The following CSMD1 variants were observed in gnomAD, a reference collection of about 807,000 sequenced individuals.
CSMD1 encodes the protein CUB and Sushi multiple domains 1.
In CSMD1, 213 loss-of-function variants were observed where a neutral mutation model predicts 417.5. The ratio of observed to expected loss-of-function variants is 0.51; its 90% CI spans 0.46 to 0.57. The LOEUF is 0.57. Ranked by LOEUF, CSMD1 falls within the 20% of genes least tolerant of loss-of-function variation. The pLI is 0.00. For missense variants in CSMD1, 6,923 were observed against 4,529.7 expected (o/e 1.53, Z -15.17); for synonymous variants, 2,862 against 1,736.8 (o/e 1.65, Z -16.11).
chr8:4,595,683 C>T (rs1036182306), intron 2 of CSMD1, among the ~76,000 whole-genome samples: 7 of 152,102 alleles, frequency 4.6e-5, no homozygotes, highest in African/African-American at 1.7e-4. Flanking sequence ...TGGAGGATCC[C>T]TTGAACTCAG....
rs1426453826 is a variant in CSMD1, at chr8:4,525,477, T to C, written c.303-105412A>G. ...ATTACAAATTATGCAGATAACACAT[T>C]GATTTGTCGTAAGAGCAATTTAGCG... On this transcript the variant is annotated intron_variant, in intron 2 of 69. Coordinates refer to ENST00000635120, the MANE Select transcript of CSMD1 (RefSeq NM_033225.6). Among the ~76,000 whole-genome samples, 3 of 152,262 alleles carry C rather than the reference T, an allele frequency of 2.0e-5. No individual in the cohort carries two copies. In the Middle Eastern group the frequency reaches 0.01, roughly 518 times the overall value.
chr8:4,103,970 G>C (rs1801435589), intron 3 of CSMD1, among the ~76,000 whole-genome samples: 1 of 152,170 alleles, frequency 6.6e-6, no homozygotes, highest in Non-Finnish European at 1.5e-5. Context: ...GCAGACGCGT[G>C]AGCTCCTGAT....
At chr8:4,083,118 T>C (rs932805227) in intron 3 of CSMD1, among the ~76,000 whole-genome samples, 1 of 152,144 alleles carries the variant, frequency 6.6e-6, no homozygotes, top group African/African-American at 2.4e-5. Flanking sequence ...ATAGTCCTTT[T>C]AGTATATACC....
At chr8:3,123,961 A>G (rs2129021940) in intron 41 of CSMD1, among the ~76,000 whole-genome samples, 1 of 152,330 alleles carries the variant, frequency 6.6e-6, no homozygotes, top group Middle Eastern at 3.4e-3. Context: ...CTAGTGTTGA[A>G]GGCTCTAGCG....
intron 3 of CSMD1, among the ~76,000 whole-genome samples, chr8:4,076,786 T>A (rs2554686): frequency 0.13 from 19,222 of 152,146 alleles, 1,357 homozygotes; most frequent in Middle Eastern, 0.18. Context: ...ACAACAACCA[T>A]ATCAGAGTAT....
chr8:3,120,281 G>C (rs1817122297), intron 41 of CSMD1, among the ~76,000 whole-genome samples: 1 of 152,134 alleles, frequency 6.6e-6, no homozygotes, highest in Non-Finnish European at 1.5e-5. Context: ...CTAAGGCTCA[G>C]AATATGAATC....
chr8:4,025,759 T>G (rs1385417545), intron 4 of CSMD1, among the ~76,000 whole-genome samples: 2 of 152,186 alleles, frequency 1.3e-5, no homozygotes, highest in African/African-American at 4.8e-5. Context: ...AATGTGATGT[T>G]TGTTCCCTGT....
intron 3 of CSMD1, among the ~76,000 whole-genome samples, chr8:4,347,955 G>C (rs7832549): frequency 6.6e-6 from 1 of 151,908 alleles, no homozygotes; most frequent in East Asian, 1.9e-4. Context: ...TGGAGGCACA[G>C]AAGAATTTAT....
At chr8:4,249,216 T>A (rs1174389913) in intron 3 of CSMD1, among the ~76,000 whole-genome samples, 2 of 152,176 alleles carry the variant, frequency 1.3e-5, no homozygotes, top group Non-Finnish European at 2.9e-5. Flanking sequence ...TTAGGAGGAA[T>A]TTATGGTAAC....
chr8:4,927,594 T>C (rs558248981), intron 1 of CSMD1, among the ~76,000 whole-genome samples: 1 of 152,184 alleles, frequency 6.6e-6, no homozygotes, highest in African/African-American at 2.4e-5. Context: ...TTCTTAGAGG[T>C]TCTTCATGGC....
chr8:2,940,101 G>A (rs1801764606), intron 69 of CSMD1, among the ~76,000 whole-genome samples: 1 of 152,200 alleles, frequency 6.6e-6, no homozygotes, highest in Non-Finnish European at 1.5e-5. Flanking sequence ...GGAATGCAGA[G>A]CCAACTCATC....
chr8:3,710,988 G>A (rs2129040971), intron 6 of CSMD1, among the ~76,000 whole-genome samples: 1 of 152,248 alleles, frequency 6.6e-6, no homozygotes, highest in African/African-American at 2.4e-5. Context: ...TCTGTATCAT[G>A]CCTTGACCTT....
At chr8:4,011,240 G>C (rs1411991738) in intron 4 of CSMD1, among the ~76,000 whole-genome samples, 1 of 152,054 alleles carries the variant, frequency 6.6e-6, no homozygotes, top group African/African-American at 2.4e-5. Context: ...AAGTTTTTAA[G>C]CCACGACTTT....
chr8:3,087,236 G>A lies in CSMD1; in HGVS notation c.7335C>T (p.Asn2445=), dbSNP rs370687482. ...THPLKNGGIL[N]RTAGAVGSKV... is the part of the protein sequence containing the mutation. Reference sequence around the variant, plus strand: ...TGCTTCCAACCGCTCCTGCAGTCCTGTTTAGAATACCCCCATTCTTCAGGG... The same window carrying A: ...TGCTTCCAACCGCTCCTGCAGTCCTATTTAGAATACCCCCATTCTTCAGGG... Residue 2445 remains asparagine (N), a synonymous_variant, in exon 49 of 70, where the codon AAC becomes AAT. Transcript: ENST00000635120. The A allele has an allele frequency of 6.2e-7, 1 of 1,613,954 alleles. No homozygotes were observed. Among genetic ancestry groups the A allele is most frequent in the Non-Finnish European group, 8.5e-7 (1 of 1,179,876 alleles).
At chr8:4,971,879 G>C (rs1399961028) in intron 1 of CSMD1, among the ~76,000 whole-genome samples, 2 of 151,848 alleles carry the variant, frequency 1.3e-5, no homozygotes, top group South Asian at 2.1e-4. Flanking sequence ...TCCCCTTTTA[G>C]CTCAGAAATA....
intron 25 of CSMD1, among the ~76,000 whole-genome samples, chr8:3,287,091 C>T (rs999762535): frequency 3.2e-4 from 48 of 152,100 alleles, no homozygotes; most frequent in Middle Eastern, 3.4e-3. Flanking sequence ...ATGCTTTCCC[C>T]ATTGCTTGTT....
chr8:4,213,653 C>G (rs1800457430), intron 3 of CSMD1, among the ~76,000 whole-genome samples: 1 of 152,180 alleles, frequency 6.6e-6, no homozygotes, highest in Non-Finnish European at 1.5e-5. Context: ...GTGATTGTTG[C>G]TCAGCAACTG....
intron 12 of CSMD1, among the ~76,000 whole-genome samples, chr8:3,434,260 A>C (rs1270736940): frequency 6.6e-6 from 1 of 152,180 alleles, no homozygotes; most frequent in Non-Finnish European, 1.5e-5. Context: ...CGTTTTTTAA[A>C]ACTGTGTTTC....
chr8:4,335,201 G>A (rs1213861840), intron 3 of CSMD1, among the ~76,000 whole-genome samples: 3 of 152,054 alleles, frequency 2.0e-5, no homozygotes, highest in Non-Finnish European at 4.4e-5. Flanking sequence ...ACCATGGCTG[G>A]CCTGGGCTCT....
Sources: gnomAD v4.1 joint callset for allele counts (sites outside exome capture counted in the v4.1 genomes callset) on GRCh38, gnomAD v4.1.1 for gene constraint, MANE v1.5 for transcripts, NCBI Gene and HGNC (gene_info 2026-07-23, HGNC 2026-07-21) for gene names.